The following TNIK variants were observed in gnomAD, a reference collection of about 807,000 sequenced individuals.
TNIK encodes TRAF2 and NCK interacting kinase.
In TNIK, 49 loss-of-function variants were observed where a neutral mutation model predicts 191.3. The observed-to-expected ratio is 0.26, with a 90% CI of 0.20 to 0.32. The LOEUF (loss-of-function observed/expected upper bound fraction) is 0.32. TNIK is among the 10% of genes least tolerant of loss of function. The probability of loss-of-function intolerance (pLI) is 1.00; values close to 1 mark genes in which losing one functional copy is unlikely to be tolerated. For missense variants in TNIK, 1,155 were observed against 1,702.3 expected, an observed-to-expected ratio of 0.68 and a Z score of 5.66; for synonymous variants, 594 against 600.9, an observed-to-expected ratio of 0.99 and a Z score of 0.17.
At chr3:171,287,167 C>T (rs780822073) in intron 2 of TNIK, among the ~76,000 whole-genome samples, 13 of 152,068 alleles carry the variant, frequency 8.5e-5, no homozygotes, top group Non-Finnish European at 1.5e-4. Context: ...AATATTTCTT[C>T]CCATAGGCCA....
chr3:171,418,611 A>G (rs946721788), intron 1 of TNIK, among the ~76,000 whole-genome samples: 5 of 152,236 alleles, frequency 3.3e-5, no homozygotes, highest in Non-Finnish European at 5.9e-5. Flanking sequence ...TTTCACTTGT[A>G]TGAAATTTCC....
chr3:171,267,182 A>AG (rs1292374094), intron 2 of TNIK, among the ~76,000 whole-genome samples: 1 of 152,224 alleles, frequency 6.6e-6, no homozygotes, highest in African/African-American at 2.4e-5. Flanking sequence ...GTATTCACTC[A>AG]ATCTGAGTCA....
chr3:171,198,473 G>A (rs1739000097), intron 4 of TNIK, among the ~76,000 whole-genome samples: 2 of 152,024 alleles, frequency 1.3e-5, no homozygotes. Flanking sequence ...ACTCATGATG[G>A]TTGCATAACA....
At chr3:171,357,971 G>C (rs1714385130) in intron 2 of TNIK, among the ~76,000 whole-genome samples, 1 of 152,162 alleles carries the variant, frequency 6.6e-6, no homozygotes, top group Non-Finnish European at 1.5e-5. Flanking sequence ...GGAGCTCCAA[G>C]TGTGGGGCTA....
chr3:171,423,319 A>G (rs1309293430), intron 1 of TNIK, among the ~76,000 whole-genome samples: 1 of 152,162 alleles, frequency 6.6e-6, no homozygotes, highest in Non-Finnish European at 1.5e-5. Context: ...ACCACTGCTC[A>G]ATGAAATAAA....
At chr3:171,336,731 A>C (rs1050230160) in intron 2 of TNIK, among the ~76,000 whole-genome samples, 3 of 152,216 alleles carry the variant, frequency 2.0e-5, no homozygotes, top group Non-Finnish European at 4.4e-5. Context: ...GGTACTTACC[A>C]ACCAACAGTG....
chr3:171,134,650 G>A (rs1729725230), intron 15 of TNIK, among the ~76,000 whole-genome samples: 1 of 152,100 alleles, frequency 6.6e-6, no homozygotes, highest in African/African-American at 2.4e-5. Flanking sequence ...TGACATCCAG[G>A]ACAGAAAGAA....
At chr3:171,456,684 G>A (rs886354851) in intron 1 of TNIK, among the ~76,000 whole-genome samples, 1 of 152,134 alleles carries the variant, frequency 6.6e-6, no homozygotes, top group African/African-American at 2.4e-5. Flanking sequence ...GAATTCCAAA[G>A]GTGGCCTAGA....
At chr3:171,303,015 GTAAT>G (rs1753047171) in intron 2 of TNIK, among the ~76,000 whole-genome samples, 1 of 152,184 alleles carries the variant, frequency 6.6e-6, no homozygotes, top group African/African-American at 2.4e-5. Flanking sequence ...TAGGTTGTCA[GTAAT>G]TACTTTATAT....
At chr3:171,359,374 C>T (rs541236402) in intron 2 of TNIK, among the ~76,000 whole-genome samples, 1 of 152,274 alleles carries the variant, frequency 6.6e-6, no homozygotes, top group South Asian at 2.1e-4. Context: ...CCCTGCTGTC[C>T]ACAAAGATGA....
intron 2 of TNIK, among the ~76,000 whole-genome samples, chr3:171,338,677 G>C (rs1009591896): frequency 1.4e-5 from 1 of 74,034 alleles, no homozygotes; most frequent in African/African-American, 5.2e-5. Flanking sequence ...TTTTTTTTTT[G>C]TATTTTTAGT....
At chr3:171,368,682 A>G (rs1716073797) in intron 2 of TNIK, among the ~76,000 whole-genome samples, 3 of 152,180 alleles carry the variant, frequency 2.0e-5, no homozygotes, top group Non-Finnish European at 4.4e-5. Flanking sequence ...AATTGAAAAT[A>G]TTACAACCTG....
intron 7 of TNIK, among the ~76,000 whole-genome samples, chr3:171,183,836 G>T (rs1002152546): frequency 1.3e-5 from 2 of 148,972 alleles, no homozygotes; most frequent in Non-Finnish European, 3.0e-5. Flanking sequence ...CAGGAGAATC[G>T]CTTGAACCCA....
intron 2 of TNIK, among the ~76,000 whole-genome samples, chr3:171,337,117 C>T (rs1051533409): frequency 7.2e-5 from 11 of 152,308 alleles, no homozygotes; most frequent in East Asian, 1.9e-4. Context: ...TGAAAGAGAA[C>T]GTAAAAGTGT....
At chr3:171,352,845 CCT>C (rs1272578948) in intron 2 of TNIK, among the ~76,000 whole-genome samples, 1 of 152,098 alleles carries the variant, frequency 6.6e-6, no homozygotes. Flanking sequence ...GCCCAAGTCT[CCT>C]CTCTGAAAAC....
rs1337249972 is a variant in TNIK at position 171,082,302 on chromosome 3, A to G, written c.3262T>C (p.Phe1088Leu). The change falls in exon 27 of 33, where the codon TTT becomes CTT. Residue 1088 changes from phenylalanine (F) to leucine (L), a missense_variant. Phe to Leu is a conservative substitution (Grantham distance 22). Transcript: ENST00000436636. ...CCCTCTAGCACATCCATCTGCTGAA[A>G]TCGCCTCCGGTTGATCAGATTATAG... Reference protein sequence around the residue: ...KVYNLINRRRFQQMDVLEGLN... With the variant: ...KVYNLINRRRLQQMDVLEGLN... 3.1e-6 allele frequency: 5 copies of G among 1,613,844 alleles called. No individual in the cohort carries two copies. The highest frequency in any genetic ancestry group is 1.7e-5 in the Admixed American group (1 of 60,004).
intron 1 of TNIK, among the ~76,000 whole-genome samples, chr3:171,454,393 G>A (rs1303514310): frequency 1.3e-5 from 2 of 152,204 alleles, no homozygotes; most frequent in Non-Finnish European, 2.9e-5. Context: ...GAGTTTTACA[G>A]ATAAGGGGGA....
At chr3:171,173,871 AAG>A (rs1735645691) in intron 9 of TNIK, among the ~76,000 whole-genome samples, 1 of 152,082 alleles carries the variant, frequency 6.6e-6, no homozygotes, top group African/African-American at 2.4e-5. Flanking sequence ...ACTTCCAGGG[AAG>A]AGAACTGCGC....
intron 2 of TNIK, among the ~76,000 whole-genome samples, chr3:171,245,621 T>C (rs986884916): frequency 2.6e-5 from 4 of 152,086 alleles, no homozygotes; most frequent in Non-Finnish European, 5.9e-5. Context: ...GTGTTACCAT[T>C]ATCAAATGGA....
Sources: allele counts gnomAD v4.1 joint callset (sites outside exome capture counted in the v4.1 genomes callset), GRCh38; gene constraint gnomAD v4.1.1; transcripts MANE v1.5; gene names NCBI Gene and HGNC (gene_info 2026-07-23, HGNC 2026-07-21).